Variants in TTC39B observed in about 807,000 individuals in gnomAD.
TTC39B encodes the protein tetratricopeptide repeat protein 39B.
Under a neutral mutation model 96.6 loss-of-function variants are expected in TTC39B, and 92 were observed. The ratio of observed to expected loss-of-function variants is 0.95; its 90% CI spans 0.80 to 1.13. TTC39B has a LOEUF of 1.13. TTC39B is among the 50% of genes most tolerant of loss of function. The pLI is 0.00. For missense variants in TTC39B, 955 were observed against 809.3 expected, an observed-to-expected ratio of 1.18 and a Z score of -2.18; for synonymous variants, 367 against 299.4, an observed-to-expected ratio of 1.23 and a Z score of -2.33.
chr9:15,185,401 A>G (rs1290119945), exon 16 of TTC39B: 1 of 1,613,694 alleles, frequency 6.2e-7, no homozygotes, highest in Non-Finnish European at 8.5e-7. Flanking sequence ...CAAGCTGTCC[A>G]CCTGTCTGTG....
chr9:15,223,713 T>C (rs975000280), intron 3 of TTC39B, among the ~76,000 whole-genome samples: 7 of 152,202 alleles, frequency 4.6e-5, no homozygotes, highest in African/African-American at 1.4e-4. Context: ...ATGTCTGTTG[T>C]TTAGTTTTTA....
chr9:15,250,617 G>C (rs7029056), intron 2 of TTC39B, among the ~76,000 whole-genome samples: 73,546 of 152,018 alleles, frequency 0.48, 18,082 homozygotes, highest in East Asian at 0.73. Flanking sequence ...GTCATACCAA[G>C]ATAGTTGGAA....
At chr9:15,180,730 G>A (rs1277916455) in intron 17 of TTC39B, among the ~76,000 whole-genome samples, 1 of 152,258 alleles carries the variant, frequency 6.6e-6, no homozygotes. Flanking sequence ...CTGCTCTGAA[G>A]GATAGGAGCT....
exon 20 of TTC39B, chr9:15,170,510 T>C (rs1267396392): frequency 6.6e-6 from 1 of 152,180 alleles, no homozygotes; most frequent in Non-Finnish European, 1.5e-5. Context: ...TACAAAAAGC[T>C]ATCATATGTT....
chr9:15,234,737 C>A (rs1244574853), intron 2 of TTC39B, among the ~76,000 whole-genome samples: 1 of 151,494 alleles, frequency 6.6e-6, no homozygotes, highest in Middle Eastern at 3.2e-3. Flanking sequence ...TACCCCCAAC[C>A]CTGTGCTCTC....
chr9:15,236,075 C>T (rs879734636), intron 2 of TTC39B, among the ~76,000 whole-genome samples: 4 of 152,088 alleles, frequency 2.6e-5, no homozygotes, highest in Non-Finnish European at 4.4e-5. Context: ...ACAAGTGACC[C>T]ACCTACTGGC....
intron 2 of TTC39B, among the ~76,000 whole-genome samples, chr9:15,229,735 T>C (rs1305126371): frequency 6.6e-6 from 1 of 152,242 alleles, no homozygotes; most frequent in East Asian, 1.9e-4. Flanking sequence ...TTTTGTTCCA[T>C]CACATATTTG....
At chr9:15,198,295 A>T (rs1315135561) in intron 8 of TTC39B, among the ~76,000 whole-genome samples, 2 of 151,952 alleles carry the variant, frequency 1.3e-5, no homozygotes, top group African/African-American at 4.8e-5. Flanking sequence ...CGTCTTTACT[A>T]AAAATACAAA....
At chr9:15,225,836 T>C (rs898501619) in intron 3 of TTC39B, 81 bp downstream of exon 3, 5 of 1,319,580 alleles carry the variant, frequency 3.8e-6, no homozygotes, top group South Asian at 2.5e-5. Flanking sequence ...CAATGCACTA[T>C]GCAAATATCA....
At chr9:15,284,095 T>C (rs949034733) in intron 1 of TTC39B, among the ~76,000 whole-genome samples, 3 of 152,128 alleles carry the variant, frequency 2.0e-5, no homozygotes, top group African/African-American at 7.2e-5. Context: ...CTACAGGTCA[T>C]AAGGAATAGA....
At chr9:15,285,450 T>G (rs7035801) in intron 1 of TTC39B, among the ~76,000 whole-genome samples, 115,929 of 152,118 alleles carry the variant, frequency 0.76, 44,926 homozygotes, top group East Asian at 0.91. Flanking sequence ...GATACCCCAA[T>G]TACCCTGATG....
chr9:15,223,216 G>C (rs1012127502), intron 3 of TTC39B, among the ~76,000 whole-genome samples: 1 of 152,140 alleles, frequency 6.6e-6, no homozygotes, highest in Non-Finnish European at 1.5e-5. Flanking sequence ...TTCTCTCTTG[G>C]CTCTTTCAAG....
At position 15,279,355 on chromosome 9, in the gene TTC39B, T is replaced by C. The variant is rs922512635; in HGVS notation, c.241-11407A>G. 6.6e-5 allele frequency among the ~76,000 whole-genome samples: 10 copies of C among 152,176 alleles called. 1 individual carries two copies. Among genetic ancestry groups the C allele is most frequent in the African/African-American group, 2.4e-4 (10 of 41,442 alleles). On this transcript the variant is annotated intron_variant, in intron 1 of 19. Transcript: ENST00000512701. ...GAACCTTATCCACTCAATATGAGTG[T>C]TCGGAAGAGGCAGTTCCCAAAGAGT...
At chr9:15,261,350 C>T (rs1822938434) in intron 2 of TTC39B, among the ~76,000 whole-genome samples, 1 of 152,092 alleles carries the variant, frequency 6.6e-6, no homozygotes, top group Non-Finnish European at 1.5e-5. Context: ...ATGGCACCTG[C>T]CTATAGTCCC....
intron 3 of TTC39B, among the ~76,000 whole-genome samples, chr9:15,219,050 T>G (rs1284846271): frequency 6.6e-6 from 1 of 152,174 alleles, no homozygotes; most frequent in Non-Finnish European, 1.5e-5. Flanking sequence ...ACTTTTACAA[T>G]GAAAAACTGA....
At chr9:15,249,868 A>G in intron 2 of TTC39B, 1 of 1,173,078 alleles carries the variant, frequency 8.5e-7, no homozygotes, top group Non-Finnish European at 1.1e-6. Context: ...TTTAAAGAGA[A>G]CATTTGAATC....
chr9:15,171,104 G>C (rs1208617783), exon 20 of TTC39B: 2 of 152,082 alleles, frequency 1.3e-5, no homozygotes, highest in East Asian at 1.9e-4. Context: ...CCAACTAAAG[G>C]ACTAAGCAAG....
chr9:15,242,402 G>C (rs1293040787), intron 2 of TTC39B, among the ~76,000 whole-genome samples: 6 of 151,988 alleles, frequency 3.9e-5, no homozygotes, highest in Admixed American at 3.9e-4. Context: ...GGCAACATAG[G>C]GAGACCCCAT....
chr9:15,284,011 A>G (rs1430652869), intron 1 of TTC39B, among the ~76,000 whole-genome samples: 1 of 152,232 alleles, frequency 6.6e-6, no homozygotes, highest in Non-Finnish European at 1.5e-5. Context: ...AAGACAAGCA[A>G]CTGGCTAGGA....
Sources: gnomAD v4.1 joint callset for allele counts (sites outside exome capture counted in the v4.1 genomes callset) on GRCh38, gnomAD v4.1.1 for gene constraint, MANE v1.5 for transcripts, NCBI Gene and HGNC (gene_info 2026-07-23, HGNC 2026-07-21) for gene names.